EPHA3: variants seen among roughly 807,000 people sequenced by gnomAD.
The protein encoded by EPHA3 is ephrin type-A receptor 3.
EPHA3 carries 42 observed loss-of-function variants against 107.1 expected under a neutral mutation model. The ratio of observed to expected loss-of-function variants is 0.39; its 90% CI spans 0.31 to 0.51. The LOEUF (loss-of-function observed/expected upper bound fraction) is 0.51, where lower values mean the gene tolerates loss of function less well. Ranked by LOEUF, EPHA3 falls within the 20% of genes least tolerant of loss-of-function variation. The pLI is 0.78. For synonymous variants in EPHA3, 461 were observed against 424.8 expected, an observed-to-expected ratio of 1.09 and a Z score of -1.05; for missense variants, 1,183 against 1,211.2, an observed-to-expected ratio of 0.98 and a Z score of 0.35.
intron 3 of EPHA3, among the ~76,000 whole-genome samples, chr3:89,232,448 A>G (rs566454310): frequency 1.3e-5 from 2 of 152,268 alleles, no homozygotes; most frequent in Admixed American, 1.3e-4. Context: ...TTGACAAACC[A>G]ATTATGTTGG....
chr3:89,475,430 T>C (rs571674944), intron 16 of EPHA3, among the ~76,000 whole-genome samples: 1 of 152,264 alleles, frequency 6.6e-6, no homozygotes, highest in East Asian at 1.9e-4. Flanking sequence ...ATCAATAAAA[T>C]TTCACATTCA....
intron 3 of EPHA3, among the ~76,000 whole-genome samples, chr3:89,297,024 A>C (rs539490308): frequency 6.6e-6 from 1 of 152,210 alleles, no homozygotes; most frequent in South Asian, 2.1e-4. Context: ...GAATTGAAGA[A>C]TGTTAGGACA....
chr3:89,425,568 T>A (rs1281827380), intron 11 of EPHA3, among the ~76,000 whole-genome samples: 1 of 151,522 alleles, frequency 6.6e-6, no homozygotes, highest in African/African-American at 2.4e-5. Context: ...AGGGAGTTAA[T>A]AGCATTTCCA....
intron 15 of EPHA3, 136 bp from the exon 16 acceptor site, chr3:89,472,328 T>C: frequency 1.1e-6 from 1 of 944,248 alleles, no homozygotes; most frequent in South Asian, 1.8e-5. Context: ...GAAGCTTTCA[T>C]GGCAGATAAA....
chr3:89,361,144 A>G (rs1708082604), intron 5 of EPHA3, among the ~76,000 whole-genome samples: 1 of 151,022 alleles, frequency 6.6e-6, no homozygotes, highest in Non-Finnish European at 1.5e-5. Context: ...AACTCAAAAG[A>G]CTACACTAAA....
intron 3 of EPHA3, among the ~76,000 whole-genome samples, chr3:89,298,992 G>T (rs1706424636): frequency 6.6e-6 from 1 of 152,050 alleles, no homozygotes; most frequent in South Asian, 2.1e-4. Context: ...GCAGGTAAAT[G>T]ACATTATATA....
chr3:89,382,226 G>T (rs1280709478), intron 5 of EPHA3, among the ~76,000 whole-genome samples: 1 of 152,104 alleles, frequency 6.6e-6, no homozygotes, highest in Non-Finnish European at 1.5e-5. Context: ...TAGAGACTAT[G>T]GCTGGGGGTG....
chr3:89,356,876 G>A (rs1427310994), intron 5 of EPHA3, among the ~76,000 whole-genome samples: 2 of 150,062 alleles, frequency 1.3e-5, no homozygotes, highest in Non-Finnish European at 3.0e-5. Context: ...CAGCCGAGGC[G>A]GGCAGATCAG....
intron 3 of EPHA3, among the ~76,000 whole-genome samples, chr3:89,327,771 C>T (rs1707197420): frequency 6.6e-6 from 1 of 151,786 alleles, no homozygotes; most frequent in Non-Finnish European, 1.5e-5. Context: ...CTCTGTATTG[C>T]TTTCAGATAC....
At chr3:89,435,447 ATATATATATAAATATATATT>A (rs1452751049) in intron 13 of EPHA3, among the ~76,000 whole-genome samples, 5 of 146,214 alleles carry the variant, frequency 3.4e-5, no homozygotes, top group Admixed American at 7.0e-5. Flanking sequence ...TAAAAAATAT[ATATATATATAAATATATATT>A]TATATATATA....
At chr3:89,300,576 A>T (rs533570112) in intron 3 of EPHA3, among the ~76,000 whole-genome samples, 1 of 152,174 alleles carries the variant, frequency 6.6e-6, no homozygotes, top group Admixed American at 6.6e-5. Context: ...TATTTAGATT[A>T]TCTCATTTAT....
chr3:89,342,474 A>T (rs549223546), intron 5 of EPHA3, among the ~76,000 whole-genome samples: 2 of 152,132 alleles, frequency 1.3e-5, no homozygotes, highest in South Asian at 2.1e-4. Context: ...CAGCTTAGTT[A>T]AAATTAGGTA....
chr3:89,318,584 C>T (rs529029169), intron 3 of EPHA3, among the ~76,000 whole-genome samples: 14 of 151,966 alleles, frequency 9.2e-5, no homozygotes, highest in Admixed American at 3.9e-4. Context: ...AATGGTCAGA[C>T]GGCCGGCCAG....
chr3:89,186,532 C>T (rs1340133985), intron 2 of EPHA3, among the ~76,000 whole-genome samples: 1 of 152,060 alleles, frequency 6.6e-6, no homozygotes, highest in Non-Finnish European at 1.5e-5. Flanking sequence ...TCAAACTTCA[C>T]ATTGAGAAGT....
intron 1 of EPHA3, among the ~76,000 whole-genome samples, chr3:89,114,815 G>A (rs750638132): frequency 6.6e-6 from 1 of 152,212 alleles, no homozygotes; most frequent in Non-Finnish European, 1.5e-5. Context: ...GGGAGAGCAC[G>A]GCGTACTCCT....
intron 15 of EPHA3, among the ~76,000 whole-genome samples, chr3:89,455,061 T>G (rs1207458155): frequency 2.0e-5 from 3 of 152,232 alleles, no homozygotes; most frequent in Non-Finnish European, 4.4e-5. Context: ...TGTTATTATC[T>G]TATTCAAATA....
At chr3:89,241,033 A>C (rs1303955949) in intron 3 of EPHA3, among the ~76,000 whole-genome samples, 1 of 151,226 alleles carries the variant, frequency 6.6e-6, no homozygotes, top group Non-Finnish European at 1.5e-5. Context: ...TTTTTTTTTC[A>C]TTTACCTGAA....
At position 89,407,298 on chromosome 3, in the gene EPHA3, G is replaced by C. The variant is rs377041029; in HGVS notation, c.1624G>C (p.Val542Leu). The change falls in exon 8 of 17, where the codon GTG (valine) becomes CTG (leucine). Residue 542 changes from valine to leucine, a missense_variant. By Grantham distance (32) the Val-to-Leu change is conservative. Coordinates refer to ENST00000336596, the MANE Select transcript of EPHA3 (RefSeq NM_005233.6). ...CTCCATCTCTGGTGAAAGTAGCCAA[G>C]TGGTCATGATCGCCATTTCAGCGGC... ...SFSISGESSQ[V>L]VMIAISAAVA... The C allele has an allele frequency of 6.2e-7, 1 of 1,613,392 alleles. No individual in the cohort carries two copies. The highest frequency in any genetic ancestry group is 1.3e-5 in the African/African-American group (1 of 74,858).
intron 3 of EPHA3, among the ~76,000 whole-genome samples, chr3:89,296,918 A>G (rs527798523): frequency 6.6e-6 from 1 of 152,236 alleles, no homozygotes; most frequent in Non-Finnish European, 1.5e-5. Context: ...GCAGTTTTAT[A>G]TTATGCAGAT....
Sources: allele counts gnomAD v4.1 joint callset (sites outside exome capture counted in the v4.1 genomes callset), GRCh38; gene constraint gnomAD v4.1.1; transcripts MANE v1.5; gene names NCBI Gene and HGNC (gene_info 2026-07-23, HGNC 2026-07-21).